The following GABBR2 variants were observed in gnomAD, a reference collection of about 807,000 sequenced individuals.
GABBR2 encodes gamma-aminobutyric acid type B receptor subunit 2, also known as G-protein coupled receptor 51.
A neutral mutation model predicts 105.6 loss-of-function variants in GABBR2; 23 were observed. The observed-to-expected ratio is 0.22, with a 90% CI of 0.16 to 0.31. The LOEUF is 0.31. GABBR2 is among the 10% of genes least tolerant of loss of function. The pLI is 1.00. For synonymous variants in GABBR2, 478 were observed against 499.7 expected, an observed-to-expected ratio of 0.96 and a Z score of 0.58; for missense variants, 734 against 1,245.5, an observed-to-expected ratio of 0.59 and a Z score of 6.18.
At chr9:98,348,220 C>T (rs1831333489) in intron 13 of GABBR2, among the ~76,000 whole-genome samples, 1 of 152,172 alleles carries the variant, frequency 6.6e-6, no homozygotes, top group Non-Finnish European at 1.5e-5. Context: ...GTTCTTGACA[C>T]CTTTGTCAAA....
At chr9:98,299,779 C>T (rs1056549665) in intron 16 of GABBR2, among the ~76,000 whole-genome samples, 1 of 152,156 alleles carries the variant, frequency 6.6e-6, no homozygotes, top group African/African-American at 2.4e-5. Flanking sequence ...GTACCTACCT[C>T]AGGGGGAGGT....
chr9:98,681,961 C>T (rs2131870153), intron 1 of GABBR2, among the ~76,000 whole-genome samples: 1 of 152,260 alleles, frequency 6.6e-6, no homozygotes, highest in South Asian at 2.1e-4. Flanking sequence ...ATGGCTTATG[C>T]CTGTAATCCC....
chr9:98,481,916 G>A (rs1225045345), intron 4 of GABBR2, among the ~76,000 whole-genome samples: 6 of 152,214 alleles, frequency 3.9e-5, no homozygotes, highest in Admixed American at 3.3e-4. Context: ...ATCAGCCAGA[G>A]GCTCTCATGG....
chr9:98,424,325 C>T (rs1156323847), intron 7 of GABBR2, among the ~76,000 whole-genome samples: 34 of 147,368 alleles, frequency 2.3e-4, no homozygotes, highest in African/African-American at 6.5e-4. Context: ...ATTGATGGGA[C>T]GTATCTCAAA....
At chr9:98,527,542 A>G (rs1303095477) in intron 3 of GABBR2, among the ~76,000 whole-genome samples, 2 of 152,168 alleles carry the variant, frequency 1.3e-5, no homozygotes, top group African/African-American at 2.4e-5. Context: ...ATATACATCA[A>G]TAGTTTTCTC....
chr9:98,515,084 C>T (rs1181239295), intron 3 of GABBR2, among the ~76,000 whole-genome samples: 2 of 152,120 alleles, frequency 1.3e-5, no homozygotes. Context: ...AAGGATGGAC[C>T]CTTCCCCAGG....
chr9:98,576,690 G>A (rs986717395), intron 2 of GABBR2, among the ~76,000 whole-genome samples: 7 of 152,278 alleles, frequency 4.6e-5, no homozygotes, highest in African/African-American at 1.2e-4. Context: ...AAGAGTTCAC[G>A]CAGAAAAATA....
At chr9:98,411,974 C>G (rs1832598838) in intron 7 of GABBR2, among the ~76,000 whole-genome samples, 1 of 152,198 alleles carries the variant, frequency 6.6e-6, no homozygotes, top group South Asian at 2.1e-4. Flanking sequence ...TAACAGCCTC[C>G]TCTTAGAAAA....
chr9:98,466,314 C>T (rs1826554320), intron 6 of GABBR2, among the ~76,000 whole-genome samples: 1 of 152,218 alleles, frequency 6.6e-6, no homozygotes, highest in Non-Finnish European at 1.5e-5. Context: ...CAAAGGAAGT[C>T]AGAAGAATGG....
intron 13 of GABBR2, among the ~76,000 whole-genome samples, chr9:98,329,979 A>T (rs999601661): frequency 1.3e-5 from 2 of 152,100 alleles, no homozygotes; most frequent in East Asian, 3.9e-4. Flanking sequence ...CAATATTATC[A>T]TATCTATTAA....
At chr9:98,481,377 A>G (rs1028885796) in intron 4 of GABBR2, among the ~76,000 whole-genome samples, 1 of 152,182 alleles carries the variant, frequency 6.6e-6, no homozygotes, top group Non-Finnish European at 1.5e-5. Flanking sequence ...CACTTTACAT[A>G]TAGGAAAACT....
At chr9:98,586,146 A>C (rs16917414) in intron 1 of GABBR2, among the ~76,000 whole-genome samples, 13,024 of 152,182 alleles carry the variant, frequency 0.086, 1,771 homozygotes, top group African/African-American at 0.29. Context: ...GAAAAATAGT[A>C]ATGCGAACAG....
intron 1 of GABBR2, among the ~76,000 whole-genome samples, chr9:98,668,593 AACC>A (rs3983398): frequency 0.93 from 140,952 of 151,936 alleles, 65,513 homozygotes; most frequent in Middle Eastern, 0.97. Context: ...ATTGTTGTAC[AACC>A]ACCACCACCA....
At chr9:98,640,121 C>CATATAT (rs6151094) in intron 1 of GABBR2, among the ~76,000 whole-genome samples, 5,245 of 140,766 alleles carry the variant, frequency 0.037, 174 homozygotes, top group African/African-American at 0.092. Context: ...AAAATACAAC[C>CATATAT]ATATATATAT....
At chr9:98,326,963 C>T (rs991889698) in intron 13 of GABBR2, among the ~76,000 whole-genome samples, 1 of 152,218 alleles carries the variant, frequency 6.6e-6, no homozygotes, top group Admixed American at 6.5e-5. Context: ...GGCCTGGGCC[C>T]TGAATCTGGG....
In GABBR2 at chr9:98,578,086, CAT is replaced by C; in HGVS notation, c.322-16_322-15del. 2 of 1,613,108 alleles carry C rather than the reference CAT, an allele frequency of 1.2e-6. No homozygotes were observed. Among genetic ancestry groups the C allele is most frequent in the Non-Finnish European group, 1.7e-6 (2 of 1,179,730 alleles). On this transcript the variant is annotated splice_polypyrimidine_tract_variant and intron_variant, in intron 1 of 18. Transcript: ENST00000259455. ...TGCGTTGTCGCACTGGGAAGCAACACATAGAAAGAAAGGTCCAAATTAGAAAC... is the reference window on the plus strand; with the variant it reads ...TGCGTTGTCGCACTGGGAAGCAACACAGAAAGAAAGGTCCAAATTAGAAAC...
intron 13 of GABBR2, among the ~76,000 whole-genome samples, chr9:98,357,681 C>CA (rs869090343): frequency 1.2e-3 from 66 of 53,440 alleles, no homozygotes; most frequent in Middle Eastern, 8.5e-3. Context: ...AAAACAACAA[C>CA]AAAAAAAAAA....
At chr9:98,564,454 C>G (rs762288877) in intron 2 of GABBR2, among the ~76,000 whole-genome samples, 22 of 152,272 alleles carry the variant, frequency 1.4e-4, no homozygotes, top group African/African-American at 5.1e-4. Flanking sequence ...TGTAGACTTG[C>G]GGTTGCAAGC....
chr9:98,340,184 T>G (rs1013747736), intron 13 of GABBR2, among the ~76,000 whole-genome samples: 5 of 45,290 alleles, frequency 1.1e-4, no homozygotes, highest in South Asian at 1.1e-3. Flanking sequence ...CAGTGAGGGG[T>G]TTTTTTTTTT....
Sources: allele counts gnomAD v4.1 joint callset (sites outside exome capture counted in the v4.1 genomes callset), GRCh38; gene constraint gnomAD v4.1.1; transcripts MANE v1.5; gene names NCBI Gene and HGNC (gene_info 2026-07-23, HGNC 2026-07-21).